GRHL2: variants seen among roughly 807,000 people sequenced by gnomAD.
GRHL2 encodes grainyhead like transcription factor 2, also known as grainyhead-like protein 2 homolog.
GRHL2 carries 21 observed loss-of-function variants against 83.8 expected under a neutral mutation model. The ratio of observed to expected loss-of-function variants is 0.25; its 90% CI spans 0.18 to 0.36. GRHL2 has a LOEUF of 0.36. GRHL2 is among the 10% of genes least tolerant of loss of function. The pLI is 1.00. For missense variants in GRHL2, 623 were observed against 781.8 expected (o/e 0.80, Z 2.42); for synonymous variants, 280 against 278.9 (o/e 1.00, Z -0.04).
chr8:101,579,878 C>T (rs1025216868), intron 7 of GRHL2, among the ~76,000 whole-genome samples: 12 of 152,198 alleles, frequency 7.9e-5, no homozygotes, highest in African/African-American at 2.9e-4. Context: ...TTATCAGTGC[C>T]TGCAGAGGGT....
downstream of GRHL2, among the ~76,000 whole-genome samples, chr8:101,674,090 C>T (rs1814252548): frequency 6.6e-6 from 1 of 151,780 alleles, no homozygotes; most frequent in Non-Finnish European, 1.5e-5. Flanking sequence ...CACTAAATGC[C>T]CACAAGAGAA....
chr8:101,597,655 G>A (rs1039317425), intron 7 of GRHL2, among the ~76,000 whole-genome samples: 14 of 145,656 alleles, frequency 9.6e-5, no homozygotes, highest in African/African-American at 3.5e-4. Flanking sequence ...TCAGGAAGGG[G>A]AACATCACAC....
chr8:101,556,252 C>T (rs183177716), intron 3 of GRHL2, among the ~76,000 whole-genome samples: 52 of 152,220 alleles, frequency 3.4e-4, no homozygotes, highest in African/African-American at 1.2e-3. Flanking sequence ...CCACCAAGCC[C>T]GGCCTCAGAA....
rs1409305175 is a variant in GRHL2, at chr8:101,669,354, T to A, written c.*2651T>A. 1 of 152,050 alleles carries A rather than the reference T, an allele frequency of 6.6e-6. No homozygotes were observed. Among genetic ancestry groups the A allele is most frequent in the Non-Finnish European group, 1.5e-5 (1 of 67,952 alleles). 9.4% of individuals were successfully genotyped at this position (152,050 alleles called of 1,614,324 possible). On this transcript the variant is annotated 3_prime_UTR_variant, in exon 16 of 16. Coordinates refer to ENST00000646743, the MANE Select transcript of GRHL2 (RefSeq NM_024915.4). Reference sequence around the variant, plus strand: ...TACTTTATGAGTGTTTGTTTAGAAGTTCGGACCAACAGAAAAATGCAGTCA... The same window carrying A: ...TACTTTATGAGTGTTTGTTTAGAAGATCGGACCAACAGAAAAATGCAGTCA...
intron 4 of GRHL2, among the ~76,000 whole-genome samples, chr8:101,567,975 C>T (rs998236553): frequency 2.0e-5 from 3 of 152,166 alleles, no homozygotes; most frequent in African/African-American, 7.2e-5. Flanking sequence ...TCTGTGTCTC[C>T]AATAGTTTTT....
intron 1 of GRHL2, among the ~76,000 whole-genome samples, chr8:101,525,863 G>A (rs13255911): frequency 0.45 from 68,263 of 151,908 alleles, 16,404 homozygotes; most frequent in Non-Finnish European, 0.53. Flanking sequence ...CCAGCTACTC[G>A]GGAGGCTGAG....
intron 2 of GRHL2, among the ~76,000 whole-genome samples, chr8:101,550,825 C>T (rs1811365185): frequency 6.6e-6 from 1 of 152,210 alleles, no homozygotes; most frequent in Non-Finnish European, 1.5e-5. Flanking sequence ...TTTGAGTCTT[C>T]TGGAGTAACT....
chr8:101,527,014 C>T (rs1411665294), intron 1 of GRHL2, among the ~76,000 whole-genome samples: 2 of 152,134 alleles, frequency 1.3e-5, no homozygotes, highest in Non-Finnish European at 2.9e-5. Context: ...ATGCCGCTGT[C>T]TTTATTCATG....
In GRHL2 at chr8:101,599,169, A is replaced by G; in HGVS notation, c.1098+18A>G. The G allele has an allele frequency of 1.3e-6, 2 of 1,496,766 alleles. No individual in the cohort carries two copies. Among genetic ancestry groups the G allele is most frequent in the Non-Finnish European group, 1.9e-6 (2 of 1,072,834 alleles). The allele number at this position is 1,496,766 out of a possible 1,614,324, so 92.7% of individuals were successfully genotyped here. On this transcript the variant is annotated intron_variant, in intron 8 of 15. Coordinates refer to ENST00000646743, the MANE Select transcript of GRHL2 (RefSeq NM_024915.4). ...AGGCGAAGGTGAGTGACATTGATTCATTGTTTATACCTCTTAATATGTGCC... is the reference window on the plus strand; with the variant it reads ...AGGCGAAGGTGAGTGACATTGATTCGTTGTTTATACCTCTTAATATGTGCC...
At chr8:101,652,811 C>T (rs1813700941) in intron 14 of GRHL2, among the ~76,000 whole-genome samples, 1 of 152,064 alleles carries the variant, frequency 6.6e-6, no homozygotes, top group Non-Finnish European at 1.5e-5. Flanking sequence ...ACAAATGAGA[C>T]AACAGAGATC....
intron 1 of GRHL2, among the ~76,000 whole-genome samples, chr8:101,538,021 C>T (rs1304647960): frequency 6.6e-6 from 1 of 152,176 alleles, no homozygotes; most frequent in African/African-American, 2.4e-5. Context: ...ACATAAGAAG[C>T]CCTGACCCGG....
chr8:101,601,188 A>ACC (rs1165743486), intron 8 of GRHL2, among the ~76,000 whole-genome samples: 2 of 149,022 alleles, frequency 1.3e-5, no homozygotes, highest in African/African-American at 5.0e-5. Flanking sequence ...ACACACACAC[A>ACC]CCCCACCACC....
At chr8:101,532,768 A>AG (rs1810964150) in intron 1 of GRHL2, among the ~76,000 whole-genome samples, 2 of 151,746 alleles carry the variant, frequency 1.3e-5, no homozygotes, top group African/African-American at 4.8e-5. Flanking sequence ...AAAAAAAAAA[A>AG]AGAGAGAGTA....
intron 2 of GRHL2, among the ~76,000 whole-genome samples, chr8:101,548,371 G>A (rs1177351583): frequency 2.0e-5 from 3 of 152,064 alleles, no homozygotes; most frequent in African/African-American, 7.2e-5. Context: ...CTCAAAAAGG[G>A]GCATGTTCCA....
rs200589830 is a variant in GRHL2 at position 101,666,681 on chromosome 8, A to G, written c.1856A>G (p.Lys619Arg). Residue 619 changes from lysine to arginine, a missense_variant, in exon 16 of 16, where the codon AAG (lysine) becomes AGG (arginine). Transcript: ENST00000646743. ...LNMESMVEGF[K>R]VTLMEI ...ATGGAGAGCATGGTGGAGGGCTTCA[A>G]GGTCACGCTCATGGAAATCTAGCCC... 19 of 1,611,698 alleles carry G rather than the reference A, an allele frequency of 1.2e-5. No homozygotes were observed. The South Asian group carries it at 1.6e-4, about 14-fold the overall frequency.
intron 3 of GRHL2, among the ~76,000 whole-genome samples, 155 bp from the exon 4 acceptor site, chr8:101,558,264 G>A (rs1450473710): frequency 6.6e-6 from 1 of 152,202 alleles, no homozygotes; most frequent in African/African-American, 2.4e-5. Flanking sequence ...AGTGACGCAA[G>A]GATCCCATTG....
chr8:101,556,034 C>T (rs1369642469), intron 3 of GRHL2, among the ~76,000 whole-genome samples: 1 of 152,172 alleles, frequency 6.6e-6, no homozygotes, highest in Admixed American at 6.5e-5. Flanking sequence ...CAGCTCACTG[C>T]AACCTCCGAT....
At chr8:101,555,833 C>T (rs1241636098) in intron 3 of GRHL2, among the ~76,000 whole-genome samples, 1 of 152,214 alleles carries the variant, frequency 6.6e-6, no homozygotes, top group Admixed American at 6.5e-5. Context: ...GCAAGTTTCA[C>T]TTTGAAGTTT....
intron 14 of GRHL2, among the ~76,000 whole-genome samples, chr8:101,655,313 CTG>C (rs1813763192): frequency 6.6e-6 from 1 of 152,172 alleles, no homozygotes; most frequent in African/African-American, 2.4e-5. Flanking sequence ...CAAATCATAA[CTG>C]TGTAGTCTTG....
Sources: allele counts gnomAD v4.1 joint callset (sites outside exome capture counted in the v4.1 genomes callset), GRCh38; gene constraint gnomAD v4.1.1; transcripts MANE v1.5; gene names NCBI Gene and HGNC (gene_info 2026-07-23, HGNC 2026-07-21).